The following SDK1 variants were observed in gnomAD, a reference collection of about 807,000 sequenced individuals.
SDK1 encodes the protein sidekick cell adhesion molecule 1.
In SDK1, 157 loss-of-function variants were observed where a neutral mutation model predicts 245.5. The observed-to-expected ratio is 0.64, with a 90% CI of 0.56 to 0.73. The LOEUF is 0.73. SDK1 is among the 30% of genes least tolerant of loss of function. The pLI is 0.00. For missense variants in SDK1, 3,583 were observed against 3,002.3 expected (o/e 1.19, Z -4.52); for synonymous variants, 1,647 against 1,278.5 (o/e 1.29, Z -6.15).
At chr7:3,726,555 C>T (rs1222722987) in intron 4 of SDK1, among the ~76,000 whole-genome samples, 1 of 152,110 alleles carries the variant, frequency 6.6e-6, no homozygotes, top group African/African-American at 2.4e-5. Context: ...TGGTTTTATC[C>T]ATTGCAAGGC....
At chr7:3,643,945 C>T (rs1420039807) in intron 4 of SDK1, among the ~76,000 whole-genome samples, 1 of 150,348 alleles carries the variant, frequency 6.7e-6, no homozygotes, top group African/African-American at 2.4e-5. Flanking sequence ...CTCTGTCACC[C>T]AGGCTGAGGT....
intron 19 of SDK1, among the ~76,000 whole-genome samples, chr7:4,058,579 G>A (rs978728556): frequency 2.0e-5 from 3 of 152,158 alleles, no homozygotes; most frequent in African/African-American, 7.2e-5. Context: ...GTTGAAGACA[G>A]AATTCCAAAA....
At chr7:3,962,879 T>A (rs1285636606) in intron 9 of SDK1, 28 bp downstream of exon 9, 1 of 1,570,780 alleles carries the variant, frequency 6.4e-7, no homozygotes, top group African/African-American at 1.4e-5. Context: ...CACAGCTACC[T>A]GACCTGGACG....
rs1036390872 is a variant in SDK1, at chr7:3,511,704, T to C, written c.299-107376T>C. On this transcript the variant is annotated intron_variant, in intron 1 of 44. Transcript: ENST00000404826. ...TATGAAAATAAGTCACTGTGGACAGTTAAAGCATAAAAAGTTTAAAGAAGC... is the reference window on the plus strand; with the variant it reads ...TATGAAAATAAGTCACTGTGGACAGCTAAAGCATAAAAAGTTTAAAGAAGC... 3.9e-5 allele frequency among the ~76,000 whole-genome samples: 6 copies of C among 152,102 alleles called. No homozygotes were observed. The South Asian group carries it at 1.2e-3, about 31-fold the overall frequency.
intron 1 of SDK1, among the ~76,000 whole-genome samples, chr7:3,322,473 CTT>C (rs765805699): frequency 1.3e-5 from 2 of 152,066 alleles, no homozygotes; most frequent in Non-Finnish European, 2.9e-5. Flanking sequence ...CCTGTTTTCT[CTT>C]CTTTTTGGTA....
chr7:3,811,724 C>T (rs558878825), intron 4 of SDK1, among the ~76,000 whole-genome samples: 31 of 152,286 alleles, frequency 2.0e-4, no homozygotes, highest in Non-Finnish European at 3.1e-4. Context: ...CAGAAGCCCC[C>T]GGCCAGAGCT....
At chr7:3,804,384 A>G (rs910200010) in intron 4 of SDK1, among the ~76,000 whole-genome samples, 3 of 152,156 alleles carry the variant, frequency 2.0e-5, no homozygotes, top group Non-Finnish European at 4.4e-5. Context: ...CTTTGTAAAA[A>G]ATCTTTTGGC....
At chr7:3,824,629 T>G (rs1423139431) in intron 5 of SDK1, among the ~76,000 whole-genome samples, 1 of 152,210 alleles carries the variant, frequency 6.6e-6, no homozygotes, top group African/African-American at 2.4e-5. Flanking sequence ...AGTGATGCGC[T>G]GTCACCCAGC....
chr7:3,333,757 C>A (rs1780129117), intron 1 of SDK1, among the ~76,000 whole-genome samples: 2 of 152,194 alleles, frequency 1.3e-5, no homozygotes. Context: ...GACTCTAATT[C>A]TTCCTACTTT....
chr7:4,027,264 G>A (rs1787432443), intron 17 of SDK1, among the ~76,000 whole-genome samples: 2 of 152,192 alleles, frequency 1.3e-5, no homozygotes, highest in African/African-American at 2.4e-5. Flanking sequence ...GAGATTTCAC[G>A]GTTTATGTGT....
chr7:3,447,971 T>TGG (rs1397820897), intron 1 of SDK1, among the ~76,000 whole-genome samples: 6 of 152,156 alleles, frequency 3.9e-5, no homozygotes, highest in Non-Finnish European at 8.8e-5. Flanking sequence ...CCCACAGTGC[T>TGG]GGGATTGCAG....
At chr7:3,941,169 C>G (rs1780354533) in intron 5 of SDK1, among the ~76,000 whole-genome samples, 1 of 152,020 alleles carries the variant, frequency 6.6e-6, no homozygotes, top group Non-Finnish European at 1.5e-5. Context: ...GCCTCTGTCC[C>G]TCTCTCCTCT....
intron 1 of SDK1, among the ~76,000 whole-genome samples, chr7:3,610,711 C>T (rs1006727259): frequency 7.9e-5 from 12 of 152,140 alleles, no homozygotes; most frequent in Non-Finnish European, 1.6e-4. Flanking sequence ...GTAGGTTTAC[C>T]CCCAGAGTTC....
At chr7:4,260,115 C>T (rs891857484) in intron 44 of SDK1, among the ~76,000 whole-genome samples, 7 of 151,906 alleles carry the variant, frequency 4.6e-5, no homozygotes, top group Non-Finnish European at 7.4e-5. Flanking sequence ...AAGATGTGTT[C>T]ATCGTCACCT....
chr7:4,033,291 C>G (rs919103192), intron 17 of SDK1, among the ~76,000 whole-genome samples: 1 of 152,090 alleles, frequency 6.6e-6, no homozygotes, highest in Non-Finnish European at 1.5e-5. Flanking sequence ...TTCCCTACCC[C>G]CATATACAAG....
At chr7:3,409,685 G>A (rs2128576902) in intron 1 of SDK1, among the ~76,000 whole-genome samples, 1 of 152,196 alleles carries the variant, frequency 6.6e-6, no homozygotes, top group East Asian at 1.9e-4. Flanking sequence ...AGAGCGTTGG[G>A]GATGGCTCTG....
chr7:4,136,277 C>T (rs1305487829), intron 28 of SDK1, among the ~76,000 whole-genome samples: 5 of 152,172 alleles, frequency 3.3e-5, no homozygotes, highest in East Asian at 3.8e-4. Context: ...GCACACCACA[C>T]GGCGGAGGCT....
intron 14 of SDK1, among the ~76,000 whole-genome samples, chr7:4,006,653 T>G (rs1350723386): frequency 6.6e-6 from 1 of 152,242 alleles, no homozygotes; most frequent in African/African-American, 2.4e-5. Context: ...TCATTTGTAT[T>G]AGTTTTCACT....
At chr7:4,202,851 G>A (rs1293961891) in intron 35 of SDK1, among the ~76,000 whole-genome samples, 1 of 152,148 alleles carries the variant, frequency 6.6e-6, no homozygotes. Context: ...AGGTGAGGGG[G>A]CTGCAGCCCA....
Sources: gnomAD v4.1 joint callset for allele counts (sites outside exome capture counted in the v4.1 genomes callset) on GRCh38, gnomAD v4.1.1 for gene constraint, MANE v1.5 for transcripts, NCBI Gene and HGNC (gene_info 2026-07-23, HGNC 2026-07-21) for gene names.